ZNF410: variants seen among roughly 807,000 people sequenced by gnomAD.
ZNF410 encodes another partner for ARF 1.
A neutral mutation model predicts 54.8 loss-of-function variants in ZNF410; 18 were observed. That is an observed-to-expected ratio of 0.33 (90% CI 0.23 to 0.49). ZNF410 has a LOEUF of 0.49. Among genes scored for constraint, ZNF410 ranks in the 20% least tolerant of loss-of-function variants. The pLI, the probability that ZNF410 is intolerant of heterozygous loss-of-function variation, is 0.99. For missense variants in ZNF410, 405 were observed against 569.6 expected, an observed-to-expected ratio of 0.71 and a Z score of 2.94; for synonymous variants, 191 against 207.3, an observed-to-expected ratio of 0.92 and a Z score of 0.68.
chr14:73,918,850 C>T (rs2055710561), intron 8 of ZNF410, among the ~76,000 whole-genome samples: 1 of 151,154 alleles, frequency 6.6e-6, no homozygotes, highest in Non-Finnish European at 1.5e-5. Flanking sequence ...AGGCGCCCGC[C>T]ACCACGCCCG....
At chr14:73,907,013 G>A (rs2140308561) in intron 7 of ZNF410, among the ~76,000 whole-genome samples, 1 of 152,064 alleles carries the variant, frequency 6.6e-6, no homozygotes, top group South Asian at 2.1e-4. Context: ...AATAATAAAA[G>A]TTAGCATTTG....
chr14:73,918,148 G>A (rs2055697305), intron 8 of ZNF410, among the ~76,000 whole-genome samples: 1 of 151,918 alleles, frequency 6.6e-6, no homozygotes, highest in African/African-American at 2.4e-5. Context: ...TCGCTCTGTT[G>A]CCCAGGCTGG....
chr14:73,913,977 C>T (rs982489671), intron 8 of ZNF410: 2 of 152,150 alleles, frequency 1.3e-5, no homozygotes, highest in Middle Eastern at 3.2e-3. Context: ...AAGATCATGT[C>T]ATCTGAGAGT....
chr14:73,919,886 G>GTTTTTTTTT lies in ZNF410; in HGVS notation c.1004-1077_1004-1069dup, dbSNP rs1158550117. On this transcript the variant is annotated intron_variant, in intron 8 of 11. Transcript: ENST00000555044. ...ATTCCACCCTGTTTCTATTGTATAG[G>GTTTTTTTTT]TTTTTTTTTTTTTTTTTTTTTTTTT... Among the ~76,000 whole-genome samples, 505 of 62,062 alleles carry GTTTTTTTTT rather than the reference G, an allele frequency of 8.1e-3. 7 individuals are homozygous for GTTTTTTTTT. The highest frequency in any genetic ancestry group is 1.0e-2 in the Non-Finnish European group (345 of 34,596). 40.7% of individuals were successfully genotyped at this position (62,062 alleles called of 152,430 possible). A position where few individuals can be genotyped will look rare whatever the true frequency, so the allele number is the denominator to read the frequency against.
chr14:73,904,549 G>C (rs1024455820), intron 6 of ZNF410, among the ~76,000 whole-genome samples: 2 of 151,976 alleles, frequency 1.3e-5, no homozygotes, highest in Non-Finnish European at 2.9e-5. Context: ...CTGCAGCCTC[G>C]AACTCCTGTG....
In ZNF410 at chr14:73,919,886, G is replaced by GTTTTTTTT. The variant is rs1158550117; in HGVS notation, c.1004-1076_1004-1069dup. 9.0e-3 allele frequency among the ~76,000 whole-genome samples: 556 copies of GTTTTTTTT among 62,088 alleles called. 3 individuals carry two copies. The highest frequency in any genetic ancestry group is 0.011 in the Non-Finnish European group (373 of 34,606). The allele number at this position is 62,088 out of a possible 152,430, so 40.7% of individuals were successfully genotyped here. Reference sequence around the variant, plus strand: ...ATTCCACCCTGTTTCTATTGTATAGGTTTTTTTTTTTTTTTTTTTTTTTTT... The same window carrying GTTTTTTTT: ...ATTCCACCCTGTTTCTATTGTATAGGTTTTTTTTTTTTTTTTTTTTTTTTTTTTTTTTT... On this transcript the variant is annotated intron_variant, in intron 8 of 11. Transcript: ENST00000555044.
intron 11 of ZNF410, among the ~76,000 whole-genome samples, chr14:73,929,075 A>G (rs762850481): frequency 8.5e-5 from 13 of 152,354 alleles, no homozygotes; most frequent in Middle Eastern, 3.4e-3. Context: ...ATGTAGCTCA[A>G]AATCCTGCAC....
intron 7 of ZNF410, 163 bp downstream of exon 7, chr14:73,905,246 T>A (rs2055463458): frequency 1.4e-6 from 1 of 697,906 alleles, no homozygotes; most frequent in African/African-American, 1.8e-5. Context: ...GCACTTATAA[T>A]AACATTTATT....
chr14:73,900,376 A>AT (rs200858040), intron 5 of ZNF410, among the ~76,000 whole-genome samples: 15,114 of 141,372 alleles, frequency 0.11, 1,294 homozygotes, highest in East Asian at 0.44. Context: ...ACACATTTTA[A>AT]TTTTTTTTTT....
chr14:73,914,117 AG>A (rs1355257316), intron 8 of ZNF410: 1 of 152,130 alleles, frequency 6.6e-6, no homozygotes. Flanking sequence ...GGTTCACTGC[AG>A]CCTTGACCTG....
At chr14:73,887,927 AGAAGT>A (rs2055169552) in intron 1 of ZNF410, among the ~76,000 whole-genome samples, 1 of 152,216 alleles carries the variant, frequency 6.6e-6, no homozygotes, top group South Asian at 2.1e-4. Flanking sequence ...AACTTTGAGT[AGAAGT>A]GACATAAGCA....
At chr14:73,901,469 A>G (rs544987554) in intron 5 of ZNF410, among the ~76,000 whole-genome samples, 5 of 151,250 alleles carry the variant, frequency 3.3e-5, no homozygotes, top group African/African-American at 1.2e-4. Flanking sequence ...ATTTGACCAT[A>G]TATTGATAAT....
At chr14:73,906,930 A>G (rs986335871) in intron 7 of ZNF410, among the ~76,000 whole-genome samples, 1 of 151,906 alleles carries the variant, frequency 6.6e-6, no homozygotes, top group African/African-American at 2.4e-5. Flanking sequence ...CTCTCTTGTC[A>G]TAATCTCAGG....
chr14:73,899,840 C>G (rs764390400), intron 5 of ZNF410, among the ~76,000 whole-genome samples: 3 of 152,130 alleles, frequency 2.0e-5, no homozygotes, highest in Non-Finnish European at 4.4e-5. Flanking sequence ...GGATGTTTTT[C>G]TTACTCTCAA....
chr14:73,922,964 A>AAGAT (rs1566665808), intron 10 of ZNF410: 1 of 152,698 alleles, frequency 6.5e-6, no homozygotes, highest in African/African-American at 2.4e-5. Flanking sequence ...CTATTTCCAG[A>AAGAT]AGATTTTCAT....
At chr14:73,919,972 C>G (rs62003757) in intron 8 of ZNF410, among the ~76,000 whole-genome samples, 1 of 135,888 alleles carries the variant, frequency 7.4e-6, no homozygotes, top group African/African-American at 2.8e-5. Flanking sequence ...TGAATATTTA[C>G]GTTGTTTCCA....
chr14:73,932,008 C>T lies in ZNF410; in HGVS notation c.*467C>T. 1 of 456,518 alleles carries T rather than the reference C, an allele frequency of 2.2e-6. No individual in the cohort carries two copies. The highest frequency in any genetic ancestry group is 4.4e-6 in the Non-Finnish European group (1 of 226,838). 28.3% of individuals were successfully genotyped at this position (456,518 alleles called of 1,614,324 possible). A position where few individuals can be genotyped will look rare whatever the true frequency, so the allele number is the denominator to read the frequency against. ...GTTGCTTTGAAGAAGGGAGTGATGT[C>T]AATTCTCTTGTTACATTCTCCCTTT... On this transcript the variant is annotated 3_prime_UTR_variant, in exon 12 of 12. Transcript: ENST00000555044.
intron 11 of ZNF410, among the ~76,000 whole-genome samples, chr14:73,926,113 G>A (rs2055825973): frequency 6.6e-6 from 1 of 152,094 alleles, no homozygotes; most frequent in Admixed American, 6.6e-5. Flanking sequence ...TGTTTATGAT[G>A]GAGTATTTCA....
intron 3 of ZNF410, among the ~76,000 whole-genome samples, chr14:73,895,617 A>G (rs902602651): frequency 6.6e-6 from 1 of 152,220 alleles, no homozygotes; most frequent in Non-Finnish European, 1.5e-5. Flanking sequence ...TAGACATACA[A>G]GTATAGATAA....
Sources: gnomAD v4.1 joint callset for allele counts (sites outside exome capture counted in the v4.1 genomes callset) on GRCh38, gnomAD v4.1.1 for gene constraint, MANE v1.5 for transcripts, NCBI Gene and HGNC (gene_info 2026-07-23, HGNC 2026-07-21) for gene names.